The following SMO variants were observed in gnomAD, a reference collection of about 807,000 sequenced individuals.
SMO encodes the protein smoothened, frizzled class receptor, also known as protein smoothened.
In SMO, 40 loss-of-function variants were observed where a neutral mutation model predicts 81.6. The ratio of observed to expected loss-of-function variants is 0.49; its 90% CI spans 0.38 to 0.64. SMO has a LOEUF of 0.64. Among genes scored for constraint, SMO ranks in the 30% least tolerant of loss-of-function variants. The probability of loss-of-function intolerance (pLI) is 0.00; values close to 1 mark genes in which losing one functional copy is unlikely to be tolerated. For missense variants in SMO, 916 were observed against 1,061.1 expected, an observed-to-expected ratio of 0.86 and a Z score of 1.90; for synonymous variants, 434 against 432.1, an observed-to-expected ratio of 1.00 and a Z score of -0.05.
rs2150655031 is a variant in SMO, at chr7:129,211,172, C to T, written c.1801+59C>T. ...GGCCCCGCGCTGCCCATGTGCTAGT[C>T]TCTCCCAGCCTGCTGGGGGCACACA... On this transcript the variant is annotated intron_variant, in intron 10 of 11. Transcript: ENST00000249373. This position sits in a 1 kb window ranked among gnomAD's most constrained non-coding sequence, Gnocchi z 4.6. 1 of 1,524,698 alleles carries T rather than the reference C, an allele frequency of 6.6e-7. No individual in the cohort carries two copies. Among genetic ancestry groups the T allele is most frequent in the African/African-American group, 1.4e-5 (1 of 72,806 alleles). The allele number at this position is 1,524,698 out of a possible 1,614,324, so 94.4% of individuals were successfully genotyped here. A position where few individuals can be genotyped will look rare whatever the true frequency, so the allele number is the denominator to read the frequency against.
rs2150656620 is a variant in SMO at position 129,212,165 on chromosome 7, C to A, written c.2078C>A (p.Pro693His). The A allele has an allele frequency of 6.4e-7, 1 of 1,554,676 alleles. No individual in the cohort carries two copies. Among genetic ancestry groups the A allele is most frequent in the Non-Finnish European group, 8.7e-7 (1 of 1,148,864 alleles). ...CPLAPPPELH[P>H]PAPAPSTIPR... Reference sequence around the variant, plus strand: ...CTGGCGCCGCCCCCTGAGCTTCACCCCCCTGCCCCTGCCCCCAGTACCATT... The same window carrying A: ...CTGGCGCCGCCCCCTGAGCTTCACCACCCTGCCCCTGCCCCCAGTACCATT... Residue 693 changes from proline to histidine, a missense_variant, in exon 12 of 12, where the codon CCC becomes CAC. By Grantham distance (77) the Pro-to-His change is moderately conservative (BLOSUM62 -2). Around this residue, in one of 4 missense-constraint regions of SMO, gnomAD observed 324 missense variants for 312.9 expected, o/e 1.04. Transcript: ENST00000249373. This position sits in a 1 kb window ranked among gnomAD's most constrained non-coding sequence, Gnocchi z 5.0.
chr7:129,195,187 A>C (rs1793551798), intron 1 of SMO, among the ~76,000 whole-genome samples: 2 of 152,238 alleles, frequency 1.3e-5, no homozygotes, highest in African/African-American at 4.8e-5. Context: ...TACAACTGGC[A>C]CAAGTTCCTT....
In SMO at chr7:129,212,283, G is replaced by A. The variant is rs370396412; in HGVS notation, c.2196G>A (p.Leu732=). The stretch of plus-strand genomic sequence containing the variant: ...CTTGCCGACAGGGAGCGTGGACCCT[G>A]GTCTCCAACCCATTCTGCCCAGAGC... ...GDSCRQGAWT[L]VSNPFCPEPS... The change falls in exon 12 of 12, where the codon CTG becomes CTA. Residue 732 remains leucine (L), a synonymous_variant. Coordinates refer to ENST00000249373, the MANE Select transcript of SMO (RefSeq NM_005631.5). The surrounding 1 kb of genome is among the most constrained non-coding windows in gnomAD (Gnocchi z 5.0). 16 of 1,613,390 alleles carry A rather than the reference G, an allele frequency of 9.9e-6. No homozygotes were observed. Among genetic ancestry groups the A allele is most frequent in the Non-Finnish European group, 1.4e-5 (16 of 1,179,778 alleles).
chr7:129,207,412 T>C (rs1793791438), intron 6 of SMO, among the ~76,000 whole-genome samples: 1 of 151,908 alleles, frequency 6.6e-6, no homozygotes, highest in Non-Finnish European at 1.5e-5. Context: ...TGCCATCCCA[T>C]AGTAAGCCTC....
At position 129,206,040 on chromosome 7, in the gene SMO, T is replaced by G. The variant is rs568895588; in HGVS notation, c.921-110T>G. 17 of 980,126 alleles carry G rather than the reference T, an allele frequency of 1.7e-5. No homozygotes were observed. The East Asian group carries it at 3.8e-4, about 22-fold the overall frequency. 60.7% of individuals were successfully genotyped at this position (980,126 alleles called of 1,614,324 possible). On this transcript the variant is annotated intron_variant, in intron 4 of 11. Transcript: ENST00000249373. The surrounding 1 kb of genome is among the most constrained non-coding windows in gnomAD (Gnocchi z 4.4). ...TGGGTCCTGTCTCCAAGCCCTGACT[T>G]CTGGGAACCTCCAGACCTCAGCAGC...
At position 129,210,975 on chromosome 7, in the gene SMO, CAG is replaced by C. The variant is rs1176440779; in HGVS notation, c.1666_1667del (p.Ser556Ter). 15 of 1,608,868 alleles carry C rather than the reference CAG, an allele frequency of 9.3e-6. No homozygotes were observed. Among genetic ancestry groups the C allele is most frequent in the Non-Finnish European group, 1.3e-5 (15 of 1,177,378 alleles). On this transcript the variant is annotated frameshift_variant, in exon 10 of 12. Transcript: ENST00000249373. LOFTEE classifies it high-confidence loss of function. This position sits in a 1 kb window ranked among gnomAD's most constrained non-coding sequence, Gnocchi z 4.7. ...CCCTTCTGCTCTCAGGTTGACTGGG[CAG>C]AGTGACGATGAGCCAAAGCGGATCA... is the stretch of plus-strand genomic sequence containing the variant. ...WRRTWCRLTG[Q>X]SDDEPKRIKK...
intron 1 of SMO, among the ~76,000 whole-genome samples, chr7:129,192,390 C>T (rs2150640166): frequency 6.6e-6 from 1 of 152,242 alleles, no homozygotes; most frequent in South Asian, 2.1e-4. Flanking sequence ...ATTTATACCT[C>T]ATATTAAGTT....
rs116557786 is a variant in SMO at position 129,198,107 on chromosome 7, G to T, written c.332-5277G>T. 3.4e-3 allele frequency among the ~76,000 whole-genome samples: 519 copies of T among 151,800 alleles called. 4 individuals carry two copies. Among genetic ancestry groups the T allele is most frequent in the African/African-American group, 0.012 (486 of 41,402 alleles). ...TATTTTGTTTTTAAGCTCAAGTTTT[G>T]TTTTTGTTTTTGTTTTTGTTTTTTT... On this transcript the variant is annotated intron_variant, in intron 1 of 11. Transcript: ENST00000249373.
rs17710891 is a variant in SMO at position 129,209,348 on chromosome 7, G to C, written c.1417G>C (p.Asp473His). ...VLITFSCHFY[D>H]FFNQAEWERS... Reference sequence around the variant, plus strand: ...CATTACCTTCAGCTGCCACTTCTACGACTTCTTCAACCAGGCTGAGTGGGA... The same window carrying C: ...CATTACCTTCAGCTGCCACTTCTACCACTTCTTCAACCAGGCTGAGTGGGA... The change falls in exon 8 of 12, where the codon GAC (aspartate) becomes CAC (histidine). Residue 473 changes from aspartate (D) to histidine (H), a missense_variant. By Grantham distance (81) the Asp-to-His change is moderately conservative (BLOSUM62 -1). This residue lies in a region of SMO where 436 missense variants were observed against 570.9 expected (regional missense o/e 0.76). Transcript: ENST00000249373. The C allele has an allele frequency of 6.2e-7, 1 of 1,614,048 alleles. No homozygotes were observed. Among genetic ancestry groups the C allele is most frequent in the South Asian group, 1.1e-5 (1 of 91,060 alleles).
In SMO at chr7:129,189,577, A is replaced by G. The variant is rs1396806583; in HGVS notation, c.331+95A>G. ...ACAGGCTCAGGCCTGAGTTTTGGAG[A>G]GGGCGGGGACAGCACCCGGGAGAGT... On this transcript the variant is annotated intron_variant, in intron 1 of 11. Transcript: ENST00000249373. This position sits in a 1 kb window ranked among gnomAD's most constrained non-coding sequence, Gnocchi z 4.7. 1.4e-6 allele frequency: 2 copies of G among 1,384,108 alleles called. No homozygotes were observed. The highest frequency in any genetic ancestry group is 2.0e-6 in the Non-Finnish European group (2 of 1,024,260). 85.7% of individuals were successfully genotyped at this position (1,384,108 alleles called of 1,614,324 possible).
At chr7:129,203,804 T>C (rs1002680321) in intron 2 of SMO, among the ~76,000 whole-genome samples, 10 of 152,184 alleles carry the variant, frequency 6.6e-5, no homozygotes, top group African/African-American at 1.7e-4. Flanking sequence ...GATCACATGT[T>C]CAGCAAAATG....
chr7:129,201,459 T>G (rs577439375), intron 1 of SMO, among the ~76,000 whole-genome samples: 2 of 152,278 alleles, frequency 1.3e-5, no homozygotes, highest in African/African-American at 4.8e-5. Context: ...AATTGACTTT[T>G]TCTTGTACAG....
At chr7:129,196,724 A>G (rs1793585476) in intron 1 of SMO, among the ~76,000 whole-genome samples, 1 of 152,176 alleles carries the variant, frequency 6.6e-6, no homozygotes, top group African/African-American at 2.4e-5. Flanking sequence ...GCTGACATAT[A>G]GAAATAAAAC....
In SMO at chr7:129,212,089, C is replaced by T. The variant is rs779777438; in HGVS notation, c.2002C>T (p.Arg668Cys). ...AGAGATCTCCCCAGAGCTGCAGAAG[C>T]GCCTGGGCCGGAAGAAGAAGAGGAG... ...EAEISPELQK[R>C]LGRKKKRRKR... The change falls in exon 12 of 12, where the codon CGC (arginine) becomes TGC (cysteine). Residue 668 changes from arginine to cysteine, a missense_variant. Arg to Cys is a radical substitution (Grantham distance 180). Around this residue, in one of 4 missense-constraint regions of SMO, gnomAD observed 324 missense variants for 312.9 expected, o/e 1.04. Coordinates refer to ENST00000249373, the MANE Select transcript of SMO (RefSeq NM_005631.5). The surrounding 1 kb of genome is among the most constrained non-coding windows in gnomAD (Gnocchi z 5.0). 2.4e-5 allele frequency: 38 copies of T among 1,582,246 alleles called. No individual in the cohort carries two copies. Among genetic ancestry groups the T allele is most frequent in the Non-Finnish European group, 3.0e-5 (35 of 1,168,126 alleles).
intron 2 of SMO, among the ~76,000 whole-genome samples, chr7:129,203,850 G>A (rs974358996): frequency 2.0e-5 from 3 of 151,978 alleles, no homozygotes; most frequent in African/African-American, 4.8e-5. Flanking sequence ...GTGGTGTTAC[G>A]GGCATCACGG....
chr7:129,190,967 AAAT>A (rs201261267), intron 1 of SMO, among the ~76,000 whole-genome samples: 2 of 152,190 alleles, frequency 1.3e-5, no homozygotes, highest in African/African-American at 2.4e-5. Context: ...CAAAAGACTG[AAAT>A]AATAATAATA....
In SMO at chr7:129,189,181, G is replaced by A. The variant is rs2150637764; in HGVS notation, c.30G>A (p.Pro10=). 8.6e-7 allele frequency: 1 copy of A among 1,168,024 alleles called. No homozygotes were observed. The highest frequency in any genetic ancestry group is 1.1e-6 in the Non-Finnish European group (1 of 934,164). 72.4% of individuals were successfully genotyped at this position (1,168,024 alleles called of 1,614,324 possible). Reference sequence around the variant, plus strand: ...CCGCTGCCCGCCCAGCGCGGGGGCCGGAGCTCCCGCTCCTGGGGCTGCTGC... The same window carrying A: ...CCGCTGCCCGCCCAGCGCGGGGGCCAGAGCTCCCGCTCCTGGGGCTGCTGC... MAAARPARG[P]ELPLLGLLLL... Residue 10 remains proline (P), a synonymous_variant, in exon 1 of 12, where the codon CCG becomes CCA. Transcript: ENST00000249373. This position sits in a 1 kb window ranked among gnomAD's most constrained non-coding sequence, Gnocchi z 4.7.
Position 129,189,590 on chromosome 7 carries a change from C to T in SMO, c.331+108C>T, listed in dbSNP as rs538226332. 1.6e-6 allele frequency: 2 copies of T among 1,233,228 alleles called. No homozygotes were observed. Among genetic ancestry groups the T allele is most frequent in the East Asian group, 2.7e-5 (1 of 36,730 alleles). 76.4% of individuals were successfully genotyped at this position (1,233,228 alleles called of 1,614,324 possible). A position where few individuals can be genotyped will look rare whatever the true frequency, so the allele number is the denominator to read the frequency against. ...TGAGTTTTGGAGAGGGCGGGGACAGCACCCGGGAGAGTTGGAGGGACAGAT... is the reference window on the plus strand; with the variant it reads ...TGAGTTTTGGAGAGGGCGGGGACAGTACCCGGGAGAGTTGGAGGGACAGAT... On this transcript the variant is annotated intron_variant, in intron 1 of 11. Coordinates refer to ENST00000249373, the MANE Select transcript of SMO (RefSeq NM_005631.5). The surrounding 1 kb of genome is among the most constrained non-coding windows in gnomAD (Gnocchi z 4.7).
In SMO at chr7:129,210,362, G is replaced by A. The variant is rs780096082; in HGVS notation, c.1467-1G>A. 1 of 1,613,148 alleles carries A rather than the reference G, an allele frequency of 6.2e-7. No homozygotes were observed. Among genetic ancestry groups the A allele is most frequent in the South Asian group, 1.1e-5 (1 of 91,042 alleles). On this transcript the variant is annotated splice_acceptor_variant, in intron 8 of 11. Transcript: ENST00000249373. LOFTEE classifies it high-confidence loss of function. This position sits in a 1 kb window ranked among gnomAD's most constrained non-coding sequence, Gnocchi z 4.7. ...CACCTGTCTACGTTCCCTCACTGTA[G>A]ATGTCAGGCCAATGTGACCATCGGG... is the stretch of plus-strand genomic sequence containing the variant.
Sources: allele counts gnomAD v4.1 joint callset (sites outside exome capture counted in the v4.1 genomes callset), GRCh38; gene constraint gnomAD v4.1.1; regional missense constraint gnomAD v4.1.1; non-coding constraint Gnocchi (gnomAD v3.1); transcripts MANE v1.5; gene names NCBI Gene and HGNC (gene_info 2026-07-23, HGNC 2026-07-21).